Variants in CPNE4 observed in about 807,000 individuals in gnomAD.
CPNE4 encodes copine 4.
Under a neutral mutation model 67.9 loss-of-function variants are expected in CPNE4, and 25 were observed. That is an observed-to-expected ratio of 0.37 (90% CI 0.27 to 0.51). CPNE4 has a LOEUF of 0.51. CPNE4 is among the 20% of genes least tolerant of loss of function. The pLI, the probability that CPNE4 is intolerant of heterozygous loss-of-function variation, is 0.93. For missense variants in CPNE4, 464 were observed against 690.8 expected, an observed-to-expected ratio of 0.67 and a Z score of 3.68; for synonymous variants, 242 against 244.9, an observed-to-expected ratio of 0.99 and a Z score of 0.11.
chr3:131,976,027 TAAA>T (rs1191534650), intron 1 of CPNE4, among the ~76,000 whole-genome samples: 2 of 148,158 alleles, frequency 1.3e-5, no homozygotes, highest in African/African-American at 4.9e-5. Flanking sequence ...TGCTGATATT[TAAA>T]AAAAAACTAT....
intron 1 of CPNE4, among the ~76,000 whole-genome samples, chr3:132,023,572 C>A (rs886884659): frequency 6.8e-6 from 1 of 147,582 alleles, no homozygotes; most frequent in African/African-American, 2.5e-5. Flanking sequence ...ACTGCAAGCT[C>A]CGCCTCCCGG....
At chr3:131,879,952 A>T (rs1477974263) in intron 2 of CPNE4, among the ~76,000 whole-genome samples, 1 of 152,044 alleles carries the variant, frequency 6.6e-6, no homozygotes, top group Non-Finnish European at 1.5e-5. Flanking sequence ...CCTCTTCCCA[A>T]TGTAAAGTTG....
chr3:131,617,090 G>C (rs1448339437), intron 7 of CPNE4, among the ~76,000 whole-genome samples: 3 of 152,146 alleles, frequency 2.0e-5, no homozygotes, highest in Non-Finnish European at 4.4e-5. Context: ...GGTATTCTTT[G>C]ATTCATTAAA....
At chr3:131,579,423 C>T (rs1285027538) in intron 9 of CPNE4, among the ~76,000 whole-genome samples, 3 of 152,200 alleles carry the variant, frequency 2.0e-5, no homozygotes, top group Non-Finnish European at 4.4e-5. Context: ...TCCTATTCTG[C>T]ACCCCATGAA....
At chr3:131,990,502 T>C (rs1414459309) in intron 1 of CPNE4, among the ~76,000 whole-genome samples, 1 of 135,878 alleles carries the variant, frequency 7.4e-6, no homozygotes, top group African/African-American at 2.5e-5. Context: ...ACAATAACAA[T>C]TATATTGTAT....
At chr3:131,990,674 A>G (rs1165477264) in intron 1 of CPNE4, among the ~76,000 whole-genome samples, 3 of 136,476 alleles carry the variant, frequency 2.2e-5, no homozygotes, top group Admixed American at 8.2e-5. Context: ...TATACTTCAA[A>G]AATTTATTGG....
At chr3:131,743,420 A>G (rs1467679759) in intron 2 of CPNE4, among the ~76,000 whole-genome samples, 1 of 152,224 alleles carries the variant, frequency 6.6e-6, no homozygotes, top group Non-Finnish European at 1.5e-5. Flanking sequence ...AATTAATTTC[A>G]TGGTACAAGC....
intron 2 of CPNE4, among the ~76,000 whole-genome samples, chr3:131,736,641 G>C (rs1037223040): frequency 4.0e-5 from 6 of 148,556 alleles, no homozygotes; most frequent in African/African-American, 1.5e-4. Flanking sequence ...AAAAGTTGAA[G>C]ATGCTTACAC....
intron 13 of CPNE4, 126 bp downstream of exon 13, chr3:131,552,314 G>A (rs1403786567): frequency 3.8e-6 from 3 of 795,922 alleles, no homozygotes; most frequent in African/African-American, 3.5e-5. Flanking sequence ...GGTTTATGTT[G>A]ATACAGAAAG....
At chr3:132,026,388 G>T (rs1251646401) in intron 1 of CPNE4, among the ~76,000 whole-genome samples, 1 of 152,202 alleles carries the variant, frequency 6.6e-6, no homozygotes, top group African/African-American at 2.4e-5. Context: ...GCATAGCCAG[G>T]CCAGGAGAGG....
At chr3:131,969,405 T>A (rs1427302912) in intron 1 of CPNE4, among the ~76,000 whole-genome samples, 1 of 152,138 alleles carries the variant, frequency 6.6e-6, no homozygotes, top group Non-Finnish European at 1.5e-5. Context: ...CTACAATTAC[T>A]TTTGCACCAA....
chr3:131,619,875 TA>T (rs1410837010), intron 7 of CPNE4, among the ~76,000 whole-genome samples: 1 of 152,030 alleles, frequency 6.6e-6, no homozygotes. Flanking sequence ...AGAAAAGGCA[TA>T]AGGTTAGAGA....
At chr3:131,582,835 C>G (rs954004030) in intron 8 of CPNE4, among the ~76,000 whole-genome samples, 1 of 152,158 alleles carries the variant, frequency 6.6e-6, no homozygotes, top group Non-Finnish European at 1.5e-5. Context: ...TGCTGAGGCA[C>G]AAATGCACGA....
rs189240199 is a variant in CPNE4 at position 131,994,467 on chromosome 3, G to A, written c.-2+40100C>T. ...ATCTGGCAGCTGCTCAAGACCTGCT[G>A]AAGGAGAATCTGCATTTTAACAAAT... On this transcript the variant is annotated intron_variant, in intron 1 of 15. Transcript: ENST00000429747. 6.7e-4 allele frequency among the ~76,000 whole-genome samples: 58 copies of A among 87,068 alleles called. 11 individuals carry two copies. In the Admixed American group the frequency reaches 9.4e-3, roughly 14 times the overall value. 57.1% of individuals were successfully genotyped at this position (87,068 alleles called of 152,430 possible).
At chr3:131,699,442 T>A (rs1417226953) in intron 4 of CPNE4, among the ~76,000 whole-genome samples, 1 of 151,910 alleles carries the variant, frequency 6.6e-6, no homozygotes, top group Non-Finnish European at 1.5e-5. Context: ...CAAAGAGGAG[T>A]GTTAAATGCT....
intron 2 of CPNE4, among the ~76,000 whole-genome samples, chr3:131,825,786 C>T (rs939189787): frequency 6.6e-6 from 1 of 152,164 alleles, no homozygotes; most frequent in African/African-American, 2.4e-5. Context: ...TCTGAGTTGC[C>T]TCCCCACCTC....
At chr3:131,685,156 A>T (rs2080859263) in intron 6 of CPNE4, among the ~76,000 whole-genome samples, 2 of 151,050 alleles carry the variant, frequency 1.3e-5, no homozygotes, top group South Asian at 4.2e-4. Flanking sequence ...CTTAAAGTTC[A>T]GTTTCTTCAA....
At chr3:131,955,284 T>G (rs2071912702) in intron 1 of CPNE4, among the ~76,000 whole-genome samples, 1 of 152,042 alleles carries the variant, frequency 6.6e-6, no homozygotes, top group South Asian at 2.1e-4. Context: ...TGCTATGTAT[T>G]TCATCATATT....
rs111547814 is a variant in CPNE4, at chr3:131,652,711, G to A, written c.681+16964C>T. ...TGAGCACTTACATGCATGTACACAC[G>A]CACACTTGCCATATATTTACTGACA... On this transcript the variant is annotated intron_variant, in intron 7 of 15. Coordinates refer to ENST00000429747, the MANE Select transcript of CPNE4 (RefSeq NM_130808.3). Among the ~76,000 whole-genome samples, 652 of 152,006 alleles carry A rather than the reference G, an allele frequency of 4.3e-3. 5 individuals carry two copies. Among genetic ancestry groups the A allele is most frequent in the African/African-American group, 0.014 (583 of 41,452 alleles).
Sources: allele counts gnomAD v4.1 joint callset (sites outside exome capture counted in the v4.1 genomes callset), GRCh38; gene constraint gnomAD v4.1.1; transcripts MANE v1.5; gene names NCBI Gene and HGNC (gene_info 2026-07-23, HGNC 2026-07-21).